CNIH3: variants seen among roughly 807,000 people sequenced by gnomAD.
CNIH3 encodes the protein cornichon family AMPA receptor auxiliary protein 3.
In CNIH3, 14 loss-of-function variants were observed where a neutral mutation model predicts 24.1. The ratio of observed to expected loss-of-function variants is 0.58; its 90% confidence interval spans 0.38 to 0.91. CNIH3 has a LOEUF of 0.91. CNIH3 is among the 40% of genes least tolerant of loss of function. The pLI, the probability that CNIH3 is intolerant of heterozygous loss-of-function variation, is 0.00. For missense variants in CNIH3, 178 were observed against 196.8 expected (o/e 0.90, Z 0.57); for synonymous variants, 68 against 73.8 (o/e 0.92, Z 0.40).
At chr1:224,709,844 A>T (rs572867930) in intron 3 of CNIH3, among the ~76,000 whole-genome samples, 9 of 152,288 alleles carry the variant, frequency 5.9e-5, no homozygotes, top group Non-Finnish European at 1.0e-4. Flanking sequence ...TCCATGGGGC[A>T]TATGTTCTGA....
chr1:224,729,047 A>G (rs1330004041), intron 3 of CNIH3, among the ~76,000 whole-genome samples: 1 of 152,132 alleles, frequency 6.6e-6, no homozygotes, highest in African/African-American at 2.4e-5. Flanking sequence ...GTCAGAAAAC[A>G]TGCTGTGGGG....
intron 4 of CNIH3, among the ~76,000 whole-genome samples, chr1:224,567,870 G>T (rs1680644652): frequency 6.6e-6 from 1 of 152,238 alleles, no homozygotes. Flanking sequence ...AGAACCCGGA[G>T]TAGGGGAGCC....
chr1:224,674,070 A>G (rs1686006856), intron 1 of CNIH3, among the ~76,000 whole-genome samples: 1 of 152,196 alleles, frequency 6.6e-6, no homozygotes, highest in African/African-American at 2.4e-5. Context: ...AGTTATGTCA[A>G]TAAGATAGTG....
intron 1 of CNIH3, among the ~76,000 whole-genome samples, chr1:224,466,854 A>G (rs1241351944): frequency 1.3e-5 from 2 of 152,150 alleles, no homozygotes; most frequent in African/African-American, 4.8e-5. Flanking sequence ...GAGGTTGAAC[A>G]TCTTTTTATT....
At chr1:224,544,060 GT>G (rs1179023502) in intron 2 of CNIH3, among the ~76,000 whole-genome samples, 3 of 152,142 alleles carry the variant, frequency 2.0e-5, no homozygotes, top group African/African-American at 7.2e-5. Flanking sequence ...CTCTTTGGCT[GT>G]TAAGAGATAA....
At chr1:224,674,358 G>C (rs1340408238) in intron 1 of CNIH3, among the ~76,000 whole-genome samples, 1 of 127,450 alleles carries the variant, frequency 7.8e-6, no homozygotes, top group South Asian at 2.7e-4. Context: ...TCAGACAAGT[G>C]AGATAACTTT....
chr1:224,581,044 CT>C (rs773952466), intron 4 of CNIH3, among the ~76,000 whole-genome samples: 36 of 152,296 alleles, frequency 2.4e-4, no homozygotes, highest in Middle Eastern at 3.4e-3. Flanking sequence ...TGGCCTCTAT[CT>C]GTGGCTCTCA....
At chr1:224,720,691 T>C (rs960257734) in intron 3 of CNIH3, among the ~76,000 whole-genome samples, 4 of 152,154 alleles carry the variant, frequency 2.6e-5, no homozygotes, top group Non-Finnish European at 5.9e-5. Flanking sequence ...GTTTCTGCCC[T>C]AGTTCCCCTT....
chr1:224,738,260 A>AATGCC (rs1689697666), intron 5 of CNIH3, among the ~76,000 whole-genome samples: 1 of 152,222 alleles, frequency 6.6e-6, no homozygotes, highest in Admixed American at 6.5e-5. Flanking sequence ...TAACGAATGA[A>AATGCC]AGTGAGTAAA....
upstream of CNIH3, among the ~76,000 whole-genome samples, chr1:224,614,118 G>A (rs1682829256): frequency 6.6e-6 from 1 of 152,072 alleles, no homozygotes; most frequent in Non-Finnish European, 1.5e-5. Flanking sequence ...AAGCTCAGGT[G>A]ATCTGCCCAC....
chr1:224,550,042 A>G (rs936757122), intron 3 of CNIH3, among the ~76,000 whole-genome samples: 15 of 152,178 alleles, frequency 9.9e-5, no homozygotes, highest in African/African-American at 3.6e-4. Context: ...TATCAGAGGG[A>G]TGATATTTCT....
intron 3 of CNIH3, among the ~76,000 whole-genome samples, chr1:224,552,343 T>G (rs1356151336): frequency 6.6e-6 from 1 of 151,720 alleles, no homozygotes; most frequent in Non-Finnish European, 1.5e-5. Flanking sequence ...ATATTAATCC[T>G]AATATCACAG....
intron 1 of CNIH3, among the ~76,000 whole-genome samples, chr1:224,456,174 T>C (rs1255969649): frequency 6.6e-6 from 1 of 152,220 alleles, no homozygotes; most frequent in Non-Finnish European, 1.5e-5. Flanking sequence ...ATATGGTCCA[T>C]GAAGAGGGCA....
At chr1:224,609,384 C>T (rs1019262175) in intron 3 of CNIH3, among the ~76,000 whole-genome samples, 2 of 152,012 alleles carry the variant, frequency 1.3e-5, no homozygotes, top group South Asian at 2.1e-4. Context: ...CAAACCCCAC[C>T]AAGAGAGAAA....
At chr1:224,680,897 T>G in intron 1 of CNIH3, 61 bp from the exon 2 acceptor site, 3 of 1,287,846 alleles carry the variant, frequency 2.3e-6, no homozygotes, top group Non-Finnish European at 3.4e-6. Flanking sequence ...CCACAGAAGC[T>G]TTGGACATGG....
chr1:224,521,618 A>T (rs1219945633), intron 2 of CNIH3: 1 of 152,218 alleles, frequency 6.6e-6, no homozygotes, highest in Non-Finnish European at 1.5e-5. Flanking sequence ...GTTTGAAAAG[A>T]TAACATGCTA....
intron 2 of CNIH3, among the ~76,000 whole-genome samples, chr1:224,681,426 G>A (rs1055052366): frequency 6.6e-6 from 1 of 152,206 alleles, no homozygotes; most frequent in African/African-American, 2.4e-5. Context: ...AAGTGGAGAC[G>A]TGGAGGGTGG....
intron 3 of CNIH3, among the ~76,000 whole-genome samples, chr1:224,610,305 C>T (rs1253775176): frequency 6.6e-6 from 1 of 152,196 alleles, no homozygotes; most frequent in African/African-American, 2.4e-5. Flanking sequence ...TCTGTGTTCC[C>T]ACCCAGATCT....
chr1:224,560,196 T>C (rs865983830), intron 3 of CNIH3, among the ~76,000 whole-genome samples: 9 of 152,170 alleles, frequency 5.9e-5, no homozygotes, highest in Middle Eastern at 6.3e-3. Context: ...TGGCTTTTCA[T>C]GTGTATATCC....
Sources: gnomAD v4.1 joint callset for allele counts (sites outside exome capture counted in the v4.1 genomes callset) on GRCh38, gnomAD v4.1.1 for gene constraint, MANE v1.5 for transcripts, NCBI Gene and HGNC (gene_info 2026-07-23, HGNC 2026-07-21) for gene names.